CC2D2A: variants seen among roughly 807,000 people sequenced by gnomAD.
CC2D2A encodes coiled-coil and C2 domain-containing protein 2A.
A neutral mutation model predicts 212.9 loss-of-function variants in CC2D2A; 155 were observed. The ratio of observed to expected loss-of-function variants is 0.73; its 90% CI spans 0.64 to 0.83. CC2D2A has a LOEUF of 0.83. Among genes scored for constraint, CC2D2A ranks in the 40% least tolerant of loss-of-function variants. The probability of loss-of-function intolerance (pLI) is 0.00; values close to 1 mark genes in which losing one functional copy is unlikely to be tolerated. For missense variants in CC2D2A, 1,856 were observed against 1,956.2 expected (o/e 0.95, Z 0.97); for synonymous variants, 667 against 686.5 (o/e 0.97, Z 0.44).
chr4:15,532,217 G>A (rs1717883878), intron 13 of CC2D2A, among the ~76,000 whole-genome samples: 1 of 152,048 alleles, frequency 6.6e-6, no homozygotes, highest in African/African-American at 2.4e-5. Flanking sequence ...GCTTTTCTAA[G>A]GGCTTCAGAA....
rs1714725287 is a variant in CC2D2A at position 15,482,290 on chromosome 4, A to G, written c.247+1463A>G. The stretch of plus-strand genomic sequence containing the variant: ...CTCATATGGCTGTTTCTTTTTCTAA[A>G]TGCTCAAAATTATTTATTACTACCA... On this transcript the variant is annotated intron_variant, in intron 4 of 36. Coordinates refer to ENST00000424120, the MANE Select transcript of CC2D2A (RefSeq NM_001378615.1). The G allele has an allele frequency of 6.1e-6, 6 of 983,116 alleles. No individual in the cohort carries two copies. The South Asian group carries it at 2.8e-4, about 46-fold the overall frequency. The allele number at this position is 983,116 out of a possible 1,614,324, so 60.9% of individuals were successfully genotyped here.
intron 6 of CC2D2A, among the ~76,000 whole-genome samples, chr4:15,506,269 T>A (rs1716250404): frequency 6.6e-6 from 1 of 152,202 alleles, no homozygotes; most frequent in Non-Finnish European, 1.5e-5. Context: ...CTTTCTAAGA[T>A]TTTGACAAAA....
At chr4:15,484,643 G>A (rs757353699) in intron 4 of CC2D2A, among the ~76,000 whole-genome samples, 5 of 152,250 alleles carry the variant, frequency 3.3e-5, no homozygotes, top group South Asian at 2.1e-4. Context: ...TATATTTCTC[G>A]ATTGAACAAG....
chr4:15,475,834 C>A, intron 1 of CC2D2A, 81 bp from the exon 2 acceptor site: 1 of 1,137,232 alleles, frequency 8.8e-7, no homozygotes, highest in Non-Finnish European at 1.3e-6. Flanking sequence ...CCATCATGGC[C>A]AGCCTCTTAC....
chr4:15,522,150 A>G (rs893334225), intron 11 of CC2D2A, among the ~76,000 whole-genome samples: 1 of 152,202 alleles, frequency 6.6e-6, no homozygotes, highest in Non-Finnish European at 1.5e-5. Context: ...GTAGTGAGCT[A>G]TTATCACACC....
chr4:15,543,075 G>A (rs187559724), intron 17 of CC2D2A, among the ~76,000 whole-genome samples: 1 of 152,282 alleles, frequency 6.6e-6, no homozygotes, highest in African/African-American at 2.4e-5. Context: ...CAGTGCCTGT[G>A]GCAGTTCTGT....
At chr4:15,567,511 C>T (rs1171159998) in intron 25 of CC2D2A, 29 bp downstream of exon 25, 4 of 1,574,152 alleles carry the variant, frequency 2.5e-6, no homozygotes, top group African/African-American at 2.7e-5. Context: ...CAGCTTTCCA[C>T]CTTGCCCCTT....
intron 11 of CC2D2A, among the ~76,000 whole-genome samples, chr4:15,518,696 G>C (rs1717022686): frequency 6.6e-6 from 1 of 152,224 alleles, no homozygotes; most frequent in Admixed American, 6.5e-5. Context: ...CTCAGTTCTT[G>C]ACTTCTGTGT....
intron 2 of CC2D2A, 60 bp downstream of exon 2, chr4:15,476,031 C>A: frequency 6.8e-7 from 1 of 1,462,602 alleles, no homozygotes; most frequent in Non-Finnish European, 9.4e-7. Context: ...TTATGTTACA[C>A]GTGTTTGTGA....
chr4:15,479,416 T>G, intron 3 of CC2D2A: 2 of 1,064,320 alleles, frequency 1.9e-6, no homozygotes, highest in Non-Finnish European at 1.4e-6. Context: ...ACAATCAAGA[T>G]GCCAGCAGGG....
rs34391641 is a variant in CC2D2A at position 15,487,792 on chromosome 4, A to ATT, written c.247+6975_247+6976dup. Among the ~76,000 whole-genome samples the ATT allele has an allele frequency of 2.6e-4, 39 of 147,516 alleles. 1 individual carries two copies. The East Asian group carries it at 3.2e-3, about 12-fold the overall frequency. On this transcript the variant is annotated intron_variant, in intron 4 of 36. Transcript: ENST00000424120. Reference sequence around the variant, plus strand: ...TTTTCTCCAGTAGTATGTTAAAAAAATTTTTTTTTTTGTACCTGTCATAGG... The same window carrying ATT: ...TTTTCTCCAGTAGTATGTTAAAAAAATTTTTTTTTTTTTGTACCTGTCATAGG...
In CC2D2A at chr4:15,589,621, G is replaced by A. The variant is rs1315116538; in HGVS notation, c.4256G>A (p.Gly1419Glu). The change falls in exon 33 of 37, where the codon GGA becomes GAA. Residue 1419 changes from glycine (G) to glutamate (E), a missense_variant. Physicochemically the swap from Gly to Glu is moderately conservative, Grantham distance 98. Around this residue, in one of 5 missense-constraint regions of CC2D2A, gnomAD observed 285 missense variants for 278.4 expected, o/e 1.02. Coordinates refer to ENST00000424120, the MANE Select transcript of CC2D2A (RefSeq NM_001378615.1). ...IWNPCSGHFY[G>E]QFDTFCPLKN... is the part of the protein sequence containing the mutation. ...AATCCCTGCAGTGGACATTTTTATG[G>A]ACAATTTGATACATTCTGTCCCTTG... 1 of 1,612,246 alleles carries A rather than the reference G, an allele frequency of 6.2e-7. No homozygotes were observed. The highest frequency in any genetic ancestry group is 1.7e-5 in the Admixed American group (1 of 59,906).
At chr4:15,521,015 T>C (rs916043095) in intron 11 of CC2D2A, among the ~76,000 whole-genome samples, 18 of 152,142 alleles carry the variant, frequency 1.2e-4, no homozygotes, top group African/African-American at 4.3e-4. Flanking sequence ...CTTCCTATCA[T>C]ACAAGCAGAA....
chr4:15,470,687 CTCTA>C (rs1175855821), intron 1 of CC2D2A, among the ~76,000 whole-genome samples: 5 of 32,394 alleles, frequency 1.5e-4, no homozygotes, highest in South Asian at 1.2e-3. Flanking sequence ...CTCTCTCTCT[CTCTA>C]TATATATATA....
At chr4:15,490,939 C>T (rs917001320) in intron 4 of CC2D2A, among the ~76,000 whole-genome samples, 5 of 152,160 alleles carry the variant, frequency 3.3e-5, no homozygotes, top group Non-Finnish European at 5.9e-5. Flanking sequence ...CAATCGATCA[C>T]GACCCCCTCA....
At chr4:15,471,842 T>A (rs1217561948) in intron 1 of CC2D2A, among the ~76,000 whole-genome samples, 1 of 152,190 alleles carries the variant, frequency 6.6e-6, no homozygotes, top group Non-Finnish European at 1.5e-5. Flanking sequence ...TGAGATGCGT[T>A]GTATCTCAAC....
At chr4:15,569,986 C>T (rs376171453) in intron 27 of CC2D2A, among the ~76,000 whole-genome samples, 3 of 149,306 alleles carry the variant, frequency 2.0e-5, no homozygotes, top group South Asian at 2.3e-4. Context: ...TTGGTTCAAA[C>T]GCCTCTGGTA....
At chr4:15,537,120 G>C (rs778540964) in intron 15 of CC2D2A, 44 bp downstream of exon 15, 4 of 1,591,402 alleles carry the variant, frequency 2.5e-6, no homozygotes, top group Middle Eastern at 3.4e-4. Flanking sequence ...TGGCCAGGAA[G>C]TGTCTGGGAG....
intron 20 of CC2D2A, 25 bp from the exon 21 acceptor site, chr4:15,557,279 G>A (rs745887400): frequency 3.8e-6 from 6 of 1,562,126 alleles, no homozygotes; most frequent in Non-Finnish European, 5.3e-6. Context: ...GTCATCTGGA[G>A]TTTTGCATTT....
Sources: allele counts gnomAD v4.1 joint callset (sites outside exome capture counted in the v4.1 genomes callset), GRCh38; gene constraint gnomAD v4.1.1; regional missense constraint gnomAD v4.1.1; transcripts MANE v1.5; gene names NCBI Gene and HGNC (gene_info 2026-07-23, HGNC 2026-07-21).